RAB7B: variants seen among roughly 807,000 people sequenced by gnomAD.
The protein encoded by RAB7B is ras-related protein Rab-7b.
Position 205,993,548 on chromosome 1 carries a change from T to A in RAB7B, c.54-2A>T. ...TGAAGGAGGGAGGTCTTTCCCACAC[T>A]GAGGAAAATTCCAGACACATGTGAA... On this transcript the variant is annotated splice_acceptor_variant, in intron 2 of 5. Coordinates refer to ENST00000617070, the MANE Select transcript of RAB7B (RefSeq NM_001164522.3). LOFTEE classifies it high-confidence loss of function. 2.5e-6 allele frequency: 1 copy of A among 398,624 alleles called. No homozygotes were observed. The highest frequency in any genetic ancestry group is 4.4e-6 in the Non-Finnish European group (1 of 226,060). 24.7% of individuals were successfully genotyped at this position (398,624 alleles called of 1,614,324 possible). A position where few individuals can be genotyped will look rare whatever the true frequency, so the allele number is the denominator to read the frequency against.
intron 1 of RAB7B, among the ~76,000 whole-genome samples, chr1:206,000,987 C>A (rs1486195619): frequency 1.3e-5 from 2 of 152,232 alleles, no homozygotes; most frequent in Non-Finnish European, 2.9e-5. Flanking sequence ...ATTCCACCCC[C>A]TCCCTGGTTC....
At chr1:205,998,167 A>G (rs1452691319) in intron 1 of RAB7B, among the ~76,000 whole-genome samples, 4 of 152,200 alleles carry the variant, frequency 2.6e-5, no homozygotes, top group African/African-American at 4.8e-5. Flanking sequence ...CAGCCTGGTC[A>G]ACATGGTGAA....
Position 205,994,800 on chromosome 1 carries a change from A to G in RAB7B, c.-16-649T>C, listed in dbSNP as rs894288313. Among the ~76,000 whole-genome samples, 850 of 152,326 alleles carry G rather than the reference A, an allele frequency of 5.6e-3. 5 individuals are homozygous for G. Among genetic ancestry groups the G allele is most frequent in the African/African-American group, 0.018 (757 of 41,576 alleles). ...AGACTCTTGTCCAAGAATGTTCTTCACTGTACTGTTTATAAACATCCAACA... is the reference window on the plus strand; with the variant it reads ...AGACTCTTGTCCAAGAATGTTCTTCGCTGTACTGTTTATAAACATCCAACA... On this transcript the variant is annotated intron_variant, in intron 1 of 5. Coordinates refer to ENST00000617070, the MANE Select transcript of RAB7B (RefSeq NM_001164522.3).
At chr1:205,994,054 C>T in intron 2 of RAB7B, 29 bp downstream of exon 2, 3 of 398,628 alleles carry the variant, frequency 7.5e-6, no homozygotes, top group African/African-American at 6.2e-5. Flanking sequence ...GGGGCTGCTT[C>T]CCAACTCCCA....
At chr1:205,979,292 A>G (rs1329726339) in intron 5 of RAB7B, among the ~76,000 whole-genome samples, 1 of 152,088 alleles carries the variant, frequency 6.6e-6, no homozygotes, top group Admixed American at 6.5e-5. Flanking sequence ...TCTTCCTGCA[A>G]ATATCCCAAT....
intron 5 of RAB7B, among the ~76,000 whole-genome samples, chr1:205,981,215 T>C (rs947336130): frequency 3.9e-5 from 6 of 152,180 alleles, no homozygotes; most frequent in Admixed American, 3.9e-4. Context: ...TTGCTAACTT[T>C]CTGGAGCAAA....
chr1:205,995,170 A>T (rs1188130418), intron 1 of RAB7B, among the ~76,000 whole-genome samples: 1 of 152,140 alleles, frequency 6.6e-6, no homozygotes, highest in Non-Finnish European at 1.5e-5. Context: ...TGATGAGTTA[A>T]TGGGTGCAGC....
intron 1 of RAB7B, among the ~76,000 whole-genome samples, chr1:205,995,544 C>G (rs1048462295): frequency 3.5e-4 from 53 of 152,076 alleles, no homozygotes; most frequent in Middle Eastern, 3.4e-3. Context: ...ATGTACACAA[C>G]GGATACTGTT....
rs1250084331 is a variant in RAB7B, at chr1:205,978,842, G to A, written c.*9C>T. 7.5e-6 allele frequency: 3 copies of A among 398,586 alleles called. No individual in the cohort carries two copies. Among genetic ancestry groups the A allele is most frequent in the African/African-American group, 4.1e-5 (2 of 48,618 alleles). 24.7% of individuals were successfully genotyped at this position (398,586 alleles called of 1,614,324 possible). On this transcript the variant is annotated 3_prime_UTR_variant, in exon 6 of 6. Coordinates refer to ENST00000617070, the MANE Select transcript of RAB7B (RefSeq NM_001164522.3). Reference sequence around the variant, plus strand: ...CTGTTTCTGGGCTTCCAGAGCAGGCGTCTGGAGGTCAGCAGCATCTGCTCC... The same window carrying A: ...CTGTTTCTGGGCTTCCAGAGCAGGCATCTGGAGGTCAGCAGCATCTGCTCC...
chr1:205,978,714 C>T lies in RAB7B; in HGVS notation c.*137G>A, dbSNP rs1027181536. 1 of 394,288 alleles carries T rather than the reference C, an allele frequency of 2.5e-6. No individual in the cohort carries two copies. Among genetic ancestry groups the T allele is most frequent in the Non-Finnish European group, 4.5e-6 (1 of 223,672 alleles). The allele number at this position is 394,288 out of a possible 1,614,324, so 24.4% of individuals were successfully genotyped here. A position where few individuals can be genotyped will look rare whatever the true frequency, so the allele number is the denominator to read the frequency against. On this transcript the variant is annotated 3_prime_UTR_variant, in exon 6 of 6. Transcript: ENST00000617070. ...CCCAGCACCAGGGTCAAGGGCTCTG[C>T]CGCAGAGCTTAGGCCCCCTGCACTG...
At chr1:205,987,836 C>A (rs891714350) in intron 4 of RAB7B, among the ~76,000 whole-genome samples, 15 of 151,838 alleles carry the variant, frequency 9.9e-5, no homozygotes, top group Admixed American at 6.6e-5. Context: ...CTATATATGC[C>A]TGTTTTTACT....
Position 205,991,463 on chromosome 1 carries a change from G to A in RAB7B, c.396+1017C>T, listed in dbSNP as rs1332168915. Among the ~76,000 whole-genome samples, 5 of 152,176 alleles carry A rather than the reference G, an allele frequency of 3.3e-5. No individual in the cohort carries two copies. The East Asian group carries it at 7.7e-4, about 24-fold the overall frequency. ...TTCTCCTTTGAAATTTCATTCTTAC[G>A]CATTCCAAAGCCTGCTGGCCATTTC... On this transcript the variant is annotated intron_variant, in intron 4 of 5. Coordinates refer to ENST00000617070, the MANE Select transcript of RAB7B (RefSeq NM_001164522.3).
chr1:206,001,217 C>A (rs1660885433), intron 1 of RAB7B, among the ~76,000 whole-genome samples: 1 of 151,624 alleles, frequency 6.6e-6, no homozygotes, highest in African/African-American at 2.4e-5. Flanking sequence ...ACACGCAGAT[C>A]TCATACAGTG....
At chr1:206,002,719 G>A (rs1016067529) in intron 1 of RAB7B, among the ~76,000 whole-genome samples, 98 of 152,308 alleles carry the variant, frequency 6.4e-4, no homozygotes, top group African/African-American at 2.3e-3. Context: ...AGATCCGTCC[G>A]ACTCTATTCA....
At chr1:205,980,443 G>A (rs1249090615) in intron 5 of RAB7B, among the ~76,000 whole-genome samples, 1 of 152,204 alleles carries the variant, frequency 6.6e-6, no homozygotes, top group Non-Finnish European at 1.5e-5. Flanking sequence ...CCATAATTAG[G>A]TTTCTATGTC....
chr1:205,997,616 A>ATGTAG (rs1438443145), intron 1 of RAB7B, among the ~76,000 whole-genome samples: 120,871 of 151,488 alleles, frequency 0.8, 48,351 homozygotes, highest in East Asian at 0.99. Flanking sequence ...ATATTCCAAC[A>ATGTAG]AAGAAGGCAA....
chr1:205,999,990 T>A (rs1660866660), intron 1 of RAB7B, among the ~76,000 whole-genome samples: 1 of 152,182 alleles, frequency 6.6e-6, no homozygotes, highest in Non-Finnish European at 1.5e-5. Flanking sequence ...CCCCAGTTGG[T>A]ATCAAACTCC....
intron 5 of RAB7B, among the ~76,000 whole-genome samples, chr1:205,984,398 C>T (rs1027239030): frequency 2.5e-4 from 38 of 152,330 alleles, no homozygotes; most frequent in Admixed American, 6.5e-4. Context: ...GAGGGCATCC[C>T]ATGAGGGCGG....
rs1042468080 is a variant in RAB7B, at chr1:205,985,505, C to T, written c.522+35G>A. The T allele has an allele frequency of 8.5e-3, 3,374 of 398,670 alleles. 92 individuals are homozygous for T. The highest frequency in any genetic ancestry group is 0.06 in the African/African-American group (2,907 of 48,688). 24.7% of individuals were successfully genotyped at this position (398,670 alleles called of 1,614,324 possible). Reference sequence around the variant, plus strand: ...CCCGAGACCCTCCCCAATCCAGGGGCGGTCTCAGCAGGTCCTGCCGCCACA... The same window carrying T: ...CCCGAGACCCTCCCCAATCCAGGGGTGGTCTCAGCAGGTCCTGCCGCCACA... On this transcript the variant is annotated intron_variant, in intron 5 of 5. Coordinates refer to ENST00000617070, the MANE Select transcript of RAB7B (RefSeq NM_001164522.3).
Sources: allele counts gnomAD v4.1 joint callset (sites outside exome capture counted in the v4.1 genomes callset), GRCh38; gene constraint gnomAD v4.1.1; transcripts MANE v1.5; gene names NCBI Gene and HGNC (gene_info 2026-07-23, HGNC 2026-07-21).